The following COL22A1 variants were observed in gnomAD, a reference collection of about 807,000 sequenced individuals.
COL22A1 encodes the protein collagen alpha-1(XXII) chain.
In COL22A1, 221 loss-of-function variants were observed where a neutral mutation model predicts 248.9. The ratio of observed to expected loss-of-function variants is 0.89; its 90% CI spans 0.80 to 0.99. The LOEUF is 0.99. Ranked by LOEUF, COL22A1 falls within the 50% of genes least tolerant of loss-of-function variation. The probability of loss-of-function intolerance (pLI) is 0.00; values close to 1 mark genes in which losing one functional copy is unlikely to be tolerated. For synonymous variants in COL22A1, 891 were observed against 793.4 expected (o/e 1.12, Z -2.07); for missense variants, 2,240 against 2,179.0 (o/e 1.03, Z -0.56).
intron 22 of COL22A1, among the ~76,000 whole-genome samples, chr8:138,743,912 T>C (rs66507307): frequency 0.22 from 33,155 of 152,126 alleles, 4,171 homozygotes; most frequent in African/African-American, 0.33. Flanking sequence ...AACAGAGTCA[T>C]CTGAGGGGCC....
At chr8:138,795,528 GACACACAC>G (rs6150850) in intron 12 of COL22A1, among the ~76,000 whole-genome samples, 9 of 144,874 alleles carry the variant, frequency 6.2e-5, no homozygotes, top group East Asian at 2.0e-4. Context: ...CTCTCTTTCA[GACACACAC>G]ACACACACAC....
chr8:138,772,727 G>A (rs1035113367), intron 16 of COL22A1, among the ~76,000 whole-genome samples: 2 of 152,164 alleles, frequency 1.3e-5, no homozygotes, highest in African/African-American at 4.8e-5. Context: ...CAGGTGTGGT[G>A]GCGCATGCCT....
chr8:138,844,302 A>T, intron 3 of COL22A1, 144 bp from the exon 4 acceptor site: 1 of 727,992 alleles, frequency 1.4e-6, no homozygotes, highest in Admixed American at 2.0e-5. Context: ...GGCAGCTGGC[A>T]TCTCCGCACT....
At chr8:138,637,288 T>A (rs1002560893) in intron 47 of COL22A1, among the ~76,000 whole-genome samples, 1 of 151,826 alleles carries the variant, frequency 6.6e-6, no homozygotes, top group Non-Finnish European at 1.5e-5. Flanking sequence ...GCAGAACAGG[T>A]GTGAGGGTGA....
chr8:138,664,148 T>C (rs553178284), intron 41 of COL22A1, among the ~76,000 whole-genome samples: 2 of 147,826 alleles, frequency 1.4e-5, no homozygotes, highest in African/African-American at 5.0e-5. Context: ...GCCATAGCGC[T>C]AGTGTCTGAG....
chr8:138,791,289 A>G (rs1403340725), intron 12 of COL22A1, among the ~76,000 whole-genome samples: 1 of 152,208 alleles, frequency 6.6e-6, no homozygotes, highest in African/African-American at 2.4e-5. Flanking sequence ...AGGCAGAGAT[A>G]TCCTGAGCAT....
At chr8:138,877,506 C>T (rs543889538) in intron 3 of COL22A1, among the ~76,000 whole-genome samples, 15 of 152,306 alleles carry the variant, frequency 9.8e-5, no homozygotes, top group Middle Eastern at 3.4e-3. Context: ...CTGCCCGCGA[C>T]CTCTGCCTCT....
intron 25 of COL22A1, among the ~76,000 whole-genome samples, chr8:138,723,718 A>G (rs1411327661): frequency 6.6e-6 from 1 of 152,198 alleles, no homozygotes; most frequent in Non-Finnish European, 1.5e-5. Flanking sequence ...ACGCAATCAG[A>G]TCACCTGAGT....
At chr8:138,760,175 C>T (rs766816174) in intron 18 of COL22A1, 68 bp downstream of exon 18, 8 of 1,362,150 alleles carry the variant, frequency 5.9e-6, no homozygotes, top group African/African-American at 1.5e-5. Context: ...CCTGGTTTGC[C>T]AAGGCGGGCA....
chr8:138,760,276 G>T lies in COL22A1; in HGVS notation c.1869C>A (p.Gly623=), dbSNP rs1432416661. The change falls in exon 18 of 65, where the codon GGC becomes GGA. Residue 623 remains glycine, a synonymous_variant. Transcript: ENST00000303045. ...CCTGGGGTCCTGCCACACCAGAAGG[G>T]CCGGGCCTGCCCTGGAGGAAAGAAA... The part of the protein sequence containing the change: ...PGDTGQQGRP[G]PSGVAGPQGE... The T allele has an allele frequency of 6.3e-7, 1 of 1,598,828 alleles. No homozygotes were observed. The highest frequency in any genetic ancestry group is 8.5e-7 in the Non-Finnish European group (1 of 1,172,892).
chr8:138,749,777 C>T (rs1437742877), intron 22 of COL22A1, among the ~76,000 whole-genome samples: 1 of 152,192 alleles, frequency 6.6e-6, no homozygotes, highest in African/African-American at 2.4e-5. Flanking sequence ...GATCCTTCCA[C>T]TCTATGGAGG....
chr8:138,693,579 G>C, intron 35 of COL22A1, 67 bp downstream of exon 35: 3 of 1,476,312 alleles, frequency 2.0e-6, no homozygotes, highest in Non-Finnish European at 2.8e-6. Flanking sequence ...CCATAGAGCA[G>C]AGCAGACACT....
At chr8:138,802,787 T>C in intron 11 of COL22A1, 85 bp downstream of exon 11, 1 of 1,041,824 alleles carries the variant, frequency 9.6e-7, no homozygotes. Context: ...CAGCCCACAC[T>C]TGCTGATTTG....
intron 11 of COL22A1, among the ~76,000 whole-genome samples, chr8:138,799,444 G>C (rs183187849): frequency 6.6e-6 from 1 of 152,226 alleles, no homozygotes; most frequent in Admixed American, 6.5e-5. Context: ...CCTGGATATT[G>C]ACACTTCCCT....
At chr8:138,894,350 C>A (rs967239338) in intron 1 of COL22A1, among the ~76,000 whole-genome samples, 14 of 152,212 alleles carry the variant, frequency 9.2e-5, no homozygotes, top group African/African-American at 2.9e-4. Flanking sequence ...GAAATCCCAA[C>A]AACCTTCCAT....
chr8:138,661,268 C>T (rs1587798078), intron 43 of COL22A1, among the ~76,000 whole-genome samples: 1 of 152,092 alleles, frequency 6.6e-6, no homozygotes, highest in Admixed American at 6.5e-5. Flanking sequence ...AGACAGTAAC[C>T]TTCTCTTTGG....
intron 41 of COL22A1, among the ~76,000 whole-genome samples, chr8:138,674,353 C>G (rs1825323310): frequency 6.6e-6 from 1 of 152,028 alleles, no homozygotes. Context: ...CCCTTCTTCA[C>G]CTCCTCCACA....
chr8:138,687,301 A>G (rs1257189968), intron 37 of COL22A1, among the ~76,000 whole-genome samples: 1 of 152,240 alleles, frequency 6.6e-6, no homozygotes, highest in Non-Finnish European at 1.5e-5. Flanking sequence ...CAAAAACCCA[A>G]GAGAGTCTTC....
chr8:138,716,392 G>T, intron 28 of COL22A1, 103 bp from the exon 29 acceptor site: 1 of 790,578 alleles, frequency 1.3e-6, no homozygotes, highest in Non-Finnish European at 2.0e-6. Context: ...AACTGGAGAT[G>T]TTCTGGCTTA....
Sources: gnomAD v4.1 joint callset for allele counts (sites outside exome capture counted in the v4.1 genomes callset) on GRCh38, gnomAD v4.1.1 for gene constraint, MANE v1.5 for transcripts, NCBI Gene and HGNC (gene_info 2026-07-23, HGNC 2026-07-21) for gene names.